Variants in PKHD1 observed in about 807,000 individuals in gnomAD.
PKHD1 encodes fibrocystin.
In PKHD1, 291 loss-of-function variants were observed where a neutral mutation model predicts 412.0. The observed-to-expected ratio is 0.71, with a 90% CI of 0.64 to 0.78. The LOEUF (loss-of-function observed/expected upper bound fraction) is 0.78, where lower values mean the gene tolerates loss of function less well. Ranked by LOEUF, PKHD1 falls within the 30% of genes least tolerant of loss-of-function variation. The pLI, the probability that PKHD1 is intolerant of heterozygous loss-of-function variation, is 0.00. For missense variants in PKHD1, 4,825 were observed against 4,950.7 expected (o/e 0.97, Z 0.76); for synonymous variants, 1,777 against 1,821.5 (o/e 0.98, Z 0.62).
At chr6:51,837,374 C>T (rs982482217) in intron 50 of PKHD1, among the ~76,000 whole-genome samples, 3 of 152,164 alleles carry the variant, frequency 2.0e-5, no homozygotes, top group African/African-American at 7.2e-5. Context: ...CCCTTTCCTC[C>T]ATCAGATGAA....
intron 35 of PKHD1, among the ~76,000 whole-genome samples, chr6:51,987,155 A>G (rs2499490): frequency 0.98 from 149,184 of 152,330 alleles, 73,147 homozygotes; most frequent in East Asian, 1. Flanking sequence ...GCACAGCAGA[A>G]TCTCAGAGTC....
intron 66 of PKHD1, among the ~76,000 whole-genome samples, chr6:51,625,834 T>C (rs1767158176): frequency 1.3e-5 from 2 of 152,176 alleles, no homozygotes; most frequent in Non-Finnish European, 2.9e-5. Flanking sequence ...TTACATGCAA[T>C]AATATGGTCA....
At position 51,830,036 on chromosome 6, in the gene PKHD1, T is replaced by C. The variant is rs561226011; in HGVS notation, c.8302+825A>G. Among the ~76,000 whole-genome samples, 84 of 152,264 alleles carry C rather than the reference T, an allele frequency of 5.5e-4. 1 individual carries two copies. Among genetic ancestry groups the C allele is most frequent in the African/African-American group, 2.0e-3 (82 of 41,568 alleles). On this transcript the variant is annotated intron_variant, in intron 52 of 66. Transcript: ENST00000371117. The stretch of plus-strand genomic sequence containing the variant: ...TACATGGAAAACAGTTCCCGGCACA[T>C]TGTTAGTTCTCAGTAAATGTTTGAC...
rs879367102 is a variant in PKHD1, at chr6:51,943,394, CA to C, written c.5909-9073del. ...CCAACTTGGACTGCATCCCTTCCAC[CA>C]AAAAAAAAAAAAACTCATCATCCCT... On this transcript the variant is annotated intron_variant, in intron 36 of 66. Coordinates refer to ENST00000371117, the MANE Select transcript of PKHD1 (RefSeq NM_138694.4). Among the ~76,000 whole-genome samples the C allele has an allele frequency of 2.1e-3, 290 of 137,064 alleles. 1 individual carries two copies. Among genetic ancestry groups the C allele is most frequent in the Admixed American group, 2.1e-3 (29 of 13,686 alleles). 89.9% of individuals were successfully genotyped at this position (137,064 alleles called of 152,430 possible).
intron 50 of PKHD1, among the ~76,000 whole-genome samples, chr6:51,838,536 T>C (rs1414650238): frequency 2.0e-5 from 3 of 152,212 alleles, no homozygotes; most frequent in Non-Finnish European, 4.4e-5. Flanking sequence ...AGTGTGTGAA[T>C]GCCAGTCAGT....
At chr6:51,998,589 A>G (rs1485582580) in intron 35 of PKHD1, among the ~76,000 whole-genome samples, 5 of 152,222 alleles carry the variant, frequency 3.3e-5, no homozygotes, top group Admixed American at 3.3e-4. Flanking sequence ...AATATTCTAG[A>G]AAGGAGCTAG....
rs1355023211 is a variant in PKHD1, at chr6:52,014,823, T to TGGATGGATGGAC, written c.5600+2586_5600+2587insGTCCATCCATCC. 2.2e-5 allele frequency among the ~76,000 whole-genome samples: 3 copies of TGGATGGATGGAC among 137,874 alleles called. No individual in the cohort carries two copies. The East Asian group carries it at 6.2e-4, about 29-fold the overall frequency. The allele number at this position is 137,874 out of a possible 152,430, so 90.5% of individuals were successfully genotyped here. ...ATGGATGGATGGATGGATGGATGGA[T>TGGATGGATGGAC]GGACGGACGAATAGACAGGGTATAA... On this transcript the variant is annotated intron_variant, in intron 34 of 66. Transcript: ENST00000371117.
intron 5 of PKHD1, among the ~76,000 whole-genome samples, chr6:52,077,771 A>G (rs1811523681): frequency 6.6e-6 from 1 of 152,134 alleles, no homozygotes; most frequent in South Asian, 2.1e-4. Flanking sequence ...GGTCAAAATA[A>G]CAATGTTGTT....
chr6:51,694,548 CTTT>C (rs67157925), intron 60 of PKHD1, among the ~76,000 whole-genome samples: 2 of 37,706 alleles, frequency 5.3e-5, no homozygotes, highest in South Asian at 1.7e-3. Flanking sequence ...CACAACCAGC[CTTT>C]TTTTTTTTTT....
chr6:51,940,782 C>A (rs1007067594), intron 36 of PKHD1, among the ~76,000 whole-genome samples: 1 of 151,588 alleles, frequency 6.6e-6, no homozygotes, highest in Non-Finnish European at 1.5e-5. Flanking sequence ...ACATTACCTT[C>A]TTTTCAAGGA....
intron 52 of PKHD1, among the ~76,000 whole-genome samples, chr6:51,797,352 TTTG>T (rs1202522511): frequency 6.6e-6 from 1 of 152,174 alleles, no homozygotes; most frequent in East Asian, 1.9e-4. Flanking sequence ...CCTGAATATT[TTTG>T]TTAATTTTGT....
intron 43 of PKHD1, among the ~76,000 whole-genome samples, chr6:51,900,094 A>G (rs1371401595): frequency 1.3e-5 from 2 of 152,262 alleles, no homozygotes; most frequent in South Asian, 2.1e-4. Context: ...CATACTGCCC[A>G]AGGTAATTTA....
intron 61 of PKHD1, among the ~76,000 whole-genome samples, chr6:51,653,884 A>G: frequency 6.6e-6 from 1 of 152,202 alleles, no homozygotes; most frequent in East Asian, 1.9e-4. Context: ...TAATAAATCT[A>G]GCATGAGTAT....
At chr6:51,793,233 C>A (rs1222675061) in intron 52 of PKHD1, among the ~76,000 whole-genome samples, 4 of 152,056 alleles carry the variant, frequency 2.6e-5, no homozygotes, top group Non-Finnish European at 5.9e-5. Flanking sequence ...GAGTGAAGTA[C>A]CTAGAGAATG....
intron 16 of PKHD1, 139 bp from the exon 17 acceptor site, chr6:52,057,118 G>A (rs1807882218): frequency 1.4e-6 from 1 of 706,052 alleles, no homozygotes. Context: ...TTAACATTCA[G>A]AAATCTCTGA....
rs73433725 is a variant in PKHD1, at chr6:52,004,963, G to A, written c.5751+5346C>T. ...TTGGCAAAGGACTCAAGGGACCCCT[G>A]CAGACTTCTAGAGTTCCTTTTTTGC... On this transcript the variant is annotated intron_variant, in intron 35 of 66. Transcript: ENST00000371117. Among the ~76,000 whole-genome samples the A allele has an allele frequency of 7.8e-3, 1,194 of 152,246 alleles. 18 individuals carry two copies. Among genetic ancestry groups the A allele is most frequent in the African/African-American group, 0.028 (1,144 of 41,538 alleles).
intron 52 of PKHD1, among the ~76,000 whole-genome samples, chr6:51,819,759 A>G (rs898779459): frequency 2.0e-5 from 3 of 152,206 alleles, no homozygotes; most frequent in African/African-American, 7.2e-5. Flanking sequence ...ATCACACATT[A>G]TGCAAACAGC....
intron 37 of PKHD1, among the ~76,000 whole-genome samples, chr6:51,913,800 A>G (rs1783357514): frequency 6.6e-6 from 1 of 152,104 alleles, no homozygotes; most frequent in Admixed American, 6.6e-5. Context: ...CTGGGTTAAT[A>G]TTGTAATTTC....
chr6:51,691,063 A>G (rs1473897940), intron 60 of PKHD1, among the ~76,000 whole-genome samples: 3 of 152,242 alleles, frequency 2.0e-5, no homozygotes, highest in African/African-American at 7.2e-5. Context: ...AAAGATCACC[A>G]TCACTGATCA....
Sources: allele counts gnomAD v4.1 joint callset (sites outside exome capture counted in the v4.1 genomes callset), GRCh38; gene constraint gnomAD v4.1.1; transcripts MANE v1.5; gene names NCBI Gene and HGNC (gene_info 2026-07-23, HGNC 2026-07-21).